Variants in PRDM6 observed in about 807,000 individuals in gnomAD.
PRDM6 encodes the protein PR/SET domain 6.
In PRDM6, 25 loss-of-function variants were observed where a neutral mutation model predicts 60.8. The observed-to-expected ratio is 0.41, with a 90% CI of 0.30 to 0.57. The LOEUF (loss-of-function observed/expected upper bound fraction) is 0.57. PRDM6 is among the 20% of genes least tolerant of loss of function. The pLI is 0.27. For missense variants in PRDM6, 839 were observed against 821.3 expected, an observed-to-expected ratio of 1.02 and a Z score of -0.26; for synonymous variants, 407 against 357.4, an observed-to-expected ratio of 1.14 and a Z score of -1.57.
chr5:123,156,870 C>G (rs1348557841), intron 4 of PRDM6, among the ~76,000 whole-genome samples: 1 of 152,160 alleles, frequency 6.6e-6, no homozygotes, highest in African/African-American at 2.4e-5. Context: ...AGCCCCACCA[C>G]TAAGCCTTCT....
chr5:123,102,799 A>C (rs1764132714), intron 3 of PRDM6, among the ~76,000 whole-genome samples: 1 of 152,084 alleles, frequency 6.6e-6, no homozygotes. Flanking sequence ...TTATTTCAGT[A>C]CAATAAATGG....
At chr5:123,104,563 C>T (rs1032366087) in intron 3 of PRDM6, among the ~76,000 whole-genome samples, 3 of 151,970 alleles carry the variant, frequency 2.0e-5, no homozygotes, top group Non-Finnish European at 2.9e-5. Context: ...AAGTAAAAAT[C>T]ATGTTTTTCA....
intron 3 of PRDM6, among the ~76,000 whole-genome samples, chr5:123,103,779 G>T (rs925547733): frequency 3.3e-5 from 5 of 152,086 alleles, no homozygotes; most frequent in Admixed American, 3.3e-4. Context: ...TTAAAATAAG[G>T]TTACAGTTTA....
rs1008058 is a variant in PRDM6 at position 123,099,932 on chromosome 5, G to A, written c.871G>A (p.Ala291Thr). ...GCCCCCAGAGAAGGTGCAGGCAGGCGCCGTGAGGAACACGCAGCATCTCTG... is the reference window on the plus strand; with the variant it reads ...GCCCCCAGAGAAGGTGCAGGCAGGCACCGTGAGGAACACGCAGCATCTCTG... ...LLPPEKVQAG[A>T]VRNTQHLWEI... The change falls in exon 3 of 8, where the codon GCC becomes ACC. Residue 291 changes from alanine (A) to threonine (T), a missense_variant. Transcript: ENST00000407847. The surrounding 1 kb of genome is among the most constrained non-coding windows in gnomAD (Gnocchi z 4.0). 0.13 allele frequency: 198,331 copies of A among 1,534,514 alleles called. 15,286 individuals carry two copies. Among genetic ancestry groups the A allele is most frequent in the East Asian group, 0.37 (15,125 of 40,386 alleles).
chr5:123,097,389 C>A (rs1396324649), intron 2 of PRDM6, among the ~76,000 whole-genome samples: 1 of 152,054 alleles, frequency 6.6e-6, no homozygotes, highest in Admixed American at 6.6e-5. Context: ...TTTTAAAAAT[C>A]TCTGGGTTTA....
Position 123,187,634 on chromosome 5 carries a change from T to C in PRDM6, c.*433T>C. The stretch of plus-strand genomic sequence containing the variant: ...TTCATGGGGACCCACTGTACAGCCC[T>C]TCATTCTGCTGTGTCAGTTTGGCCT... On this transcript the variant is annotated 3_prime_UTR_variant, in exon 8 of 8. Transcript: ENST00000407847. 1 of 167,242 alleles carries C rather than the reference T, an allele frequency of 6.0e-6. No individual in the cohort carries two copies. The highest frequency in any genetic ancestry group is 1.3e-5 in the Non-Finnish European group (1 of 76,920). 10.4% of individuals were successfully genotyped at this position (167,242 alleles called of 1,614,324 possible). A position where few individuals can be genotyped will look rare whatever the true frequency, so the allele number is the denominator to read the frequency against.
rs1766477736 is a variant in PRDM6 at position 123,193,915 on chromosome 5, CT to C, written c.*6718del. The C allele has an allele frequency of 6.6e-6, 1 of 152,078 alleles. No individual in the cohort carries two copies. The highest frequency in any genetic ancestry group is 2.4e-5 in the African/African-American group (1 of 41,410). 9.4% of individuals were successfully genotyped at this position (152,078 alleles called of 1,614,324 possible). On this transcript the variant is annotated 3_prime_UTR_variant, in exon 8 of 8. Transcript: ENST00000407847. ...AGTGAATGCCCAGTTTCACATCTGC[CT>C]TTTGGAGTTTGGAAAGCTTAAACAA...
chr5:123,121,641 A>G (rs1024418672), intron 3 of PRDM6, among the ~76,000 whole-genome samples: 9 of 152,222 alleles, frequency 5.9e-5, no homozygotes, highest in African/African-American at 2.2e-4. Context: ...ACACAGATTA[A>G]AAAACCACCA....
intron 2 of PRDM6, among the ~76,000 whole-genome samples, chr5:123,093,125 C>CT (rs1763878910): frequency 2.6e-5 from 4 of 152,132 alleles, no homozygotes. Flanking sequence ...CCTAGTTTTT[C>CT]TTTTAGTTTT....
rs1766311055 is a variant in PRDM6, at chr5:123,187,303, C to T, written c.*102C>T. 1.3e-6 allele frequency: 1 copy of T among 797,054 alleles called. No individual in the cohort carries two copies. The highest frequency in any genetic ancestry group is 2.1e-6 in the Non-Finnish European group (1 of 481,646). The allele number at this position is 797,054 out of a possible 1,614,324, so 49.4% of individuals were successfully genotyped here. On this transcript the variant is annotated 3_prime_UTR_variant, in exon 8 of 8. Coordinates refer to ENST00000407847, the MANE Select transcript of PRDM6 (RefSeq NM_001136239.4). The stretch of plus-strand genomic sequence containing the variant: ...TTCCTCTGAGCAACTTTCAATCAGT[C>T]CCAGAAAACCAAAAGCAGTAATAAA...
chr5:123,171,187 C>T, intron 6 of PRDM6, 79 bp downstream of exon 6: 1 of 1,158,724 alleles, frequency 8.6e-7, no homozygotes, highest in Non-Finnish European at 1.2e-6. Flanking sequence ...TTCTGAGCAC[C>T]TCCACAGGGG....
chr5:123,090,297 T>TCCGCCTCCG lies in PRDM6; in HGVS notation c.285_286insGCCTCCGCC (p.Ser95_Cys96insAlaSerAla). ...TTCCACCTCCGCCTCCTCCGCCTCC[T>TCCGCCTCCG]CCTGCGCTGCTGCGGCCGCTGCCGC... On this transcript the variant is annotated inframe_insertion, in exon 2 of 8. Transcript: ENST00000407847. 1 of 1,488,448 alleles carries TCCGCCTCCG rather than the reference T, an allele frequency of 6.7e-7. No individual in the cohort carries two copies. The highest frequency in any genetic ancestry group is 8.9e-7 in the Non-Finnish European group (1 of 1,121,192). The allele number at this position is 1,488,448 out of a possible 1,614,324, so 92.2% of individuals were successfully genotyped here.
In PRDM6 at chr5:123,159,520, T is replaced by A. The variant is rs564528918; in HGVS notation, c.1035T>A (p.Asn345Lys). The A allele has an allele frequency of 3.9e-6, 6 of 1,551,274 alleles. No homozygotes were observed. In the East Asian group the frequency reaches 1.2e-4, roughly 32 times the overall value. The change falls in exon 5 of 8, where the codon AAT becomes AAA. Residue 345 changes from asparagine to lysine, a missense_variant. By Grantham distance (94) the Asn-to-Lys change is moderately conservative. Coordinates refer to ENST00000407847, the MANE Select transcript of PRDM6 (RefSeq NM_001136239.4). ...TTTCTTTTGTTTTGAATAGGTCGAA[T>A]ATATTCTACCGAGCCTGTATAGATA... Reference protein sequence around the residue: ...QNLTVVQYRSNIFYRACIDIP... With the variant: ...QNLTVVQYRSKIFYRACIDIP...
chr5:123,136,785 T>C (rs1685204), intron 3 of PRDM6, among the ~76,000 whole-genome samples: 22,298 of 152,230 alleles, frequency 0.15, 2,025 homozygotes, highest in Non-Finnish European at 0.21. Context: ...TTTCCGTCTT[T>C]ACTTTCCATA....
chr5:123,142,877 CAAAAAAA>C, intron 3 of PRDM6, among the ~76,000 whole-genome samples: 1 of 27,368 alleles, frequency 3.7e-5, no homozygotes. Flanking sequence ...CAGTGAAGAC[CAAAAAAA>C]AAAAAAAAAA....
rs1476256512 is a variant in PRDM6, at chr5:123,187,096, G to A, written c.1683G>A (p.Arg561=). 15 of 1,551,328 alleles carry A rather than the reference G, an allele frequency of 9.7e-6. No individual in the cohort carries two copies. The highest frequency in any genetic ancestry group is 1.7e-4 in the Middle Eastern group (1 of 6,010). The stretch of plus-strand genomic sequence containing the variant: ...CTCTTGCCTCCACCAGGTGCGAGAG[G>A]TGTGAGAGGAGCTTCACGCAGGCCA... ...HTGEKPFKCE[R]CERSFTQATQ... Residue 561 remains arginine, a synonymous_variant, in exon 8 of 8, where the codon AGG becomes AGA. Transcript: ENST00000407847.
chr5:123,175,319 C>T (rs1765980596), intron 6 of PRDM6, among the ~76,000 whole-genome samples: 1 of 152,138 alleles, frequency 6.6e-6, no homozygotes, highest in South Asian at 2.1e-4. Flanking sequence ...GCCTCCTGGG[C>T]ACACCATCAC....
In PRDM6 at chr5:123,143,148, AGTGTGTGTGT is replaced by A. The variant is rs139092433; in HGVS notation, c.901-12715_901-12706del. Among the ~76,000 whole-genome samples the A allele has an allele frequency of 0.012, 1,815 of 145,976 alleles. 76 individuals are homozygous for A. In the East Asian group the frequency reaches 0.16, roughly 13 times the overall value. ...TATGGGATTTGGCAGTAGTTTTTAA[AGTGTGTGTGT>A]GTGTGTGTGTGTGTGTGTGTATGTG... On this transcript the variant is annotated intron_variant, in intron 3 of 7. Transcript: ENST00000407847.
chr5:123,118,399 G>C (rs952226129), intron 3 of PRDM6, among the ~76,000 whole-genome samples: 1 of 152,180 alleles, frequency 6.6e-6, no homozygotes, highest in Admixed American at 6.5e-5. Context: ...AGAGAGTTGC[G>C]GTTTGAGATG....
Sources: allele counts gnomAD v4.1 joint callset (sites outside exome capture counted in the v4.1 genomes callset), GRCh38; gene constraint gnomAD v4.1.1; non-coding constraint Gnocchi (gnomAD v3.1); transcripts MANE v1.5; gene names NCBI Gene and HGNC (gene_info 2026-07-23, HGNC 2026-07-21).